Variants in QTMAN observed in about 807,000 individuals in gnomAD.
QTMAN encodes the protein queuosine-tRNA mannosyltransferase.
chr2:144,166,651 A>G, the QTMAN span, among the ~76,000 whole-genome samples: 1 of 152,354 alleles, frequency 6.6e-6, no homozygotes, highest in African/African-American at 2.4e-5. Flanking sequence ...CCAGTAAAAT[A>G]TACCCCACAT....
At chr2:144,155,794 G>A in the QTMAN span, among the ~76,000 whole-genome samples, 1 of 152,014 alleles carries the variant, frequency 6.6e-6, no homozygotes, top group African/African-American at 2.4e-5. Flanking sequence ...CTTTTGGACA[G>A]TATCATGATT....
the QTMAN span, among the ~76,000 whole-genome samples, chr2:144,040,022 A>G: frequency 6.6e-6 from 1 of 152,196 alleles, no homozygotes; most frequent in Non-Finnish European, 1.5e-5. Flanking sequence ...AACAGGGGCT[A>G]TGTATTCTCA....
the QTMAN span, among the ~76,000 whole-genome samples, chr2:144,002,214 A>G: frequency 6.6e-6 from 1 of 151,984 alleles, no homozygotes; most frequent in Non-Finnish European, 1.5e-5. Context: ...TCCCCTCGAT[A>G]GATATCTTTT....
the QTMAN span, among the ~76,000 whole-genome samples, chr2:143,983,781 A>G: frequency 6.6e-6 from 1 of 152,114 alleles, no homozygotes; most frequent in African/African-American, 2.4e-5. Flanking sequence ...CCGAGGTTTT[A>G]ATGTTTACCT....
the QTMAN span, among the ~76,000 whole-genome samples, chr2:144,043,495 G>A: frequency 6.6e-6 from 1 of 151,906 alleles, no homozygotes; most frequent in South Asian, 2.1e-4. Context: ...TTAGCCCAGC[G>A]TGGTGACGGG....
At chr2:144,132,560 C>T in the QTMAN span, among the ~76,000 whole-genome samples, 2 of 152,088 alleles carry the variant, frequency 1.3e-5, no homozygotes, top group Non-Finnish European at 2.9e-5. Flanking sequence ...AACAGCTGTA[C>T]ATGTGACCTT....
the QTMAN span, among the ~76,000 whole-genome samples, chr2:144,287,196 G>C: frequency 1.3e-5 from 2 of 152,158 alleles, no homozygotes; most frequent in South Asian, 4.1e-4. Flanking sequence ...CAGCACTTTG[G>C]GAGGCCAAAG....
the QTMAN span, among the ~76,000 whole-genome samples, chr2:144,059,268 CCATA>C: frequency 6.6e-6 from 1 of 152,206 alleles, no homozygotes; most frequent in East Asian, 1.9e-4. Flanking sequence ...GTCCCCTTCT[CCATA>C]CAGTCAACTC....
chr2:144,048,819 TACAC>T, the QTMAN span, among the ~76,000 whole-genome samples: 104 of 148,326 alleles, frequency 7.0e-4, no homozygotes, highest in East Asian at 4.5e-3. Context: ...CACACATGCA[TACAC>T]ACACACACAC....
the QTMAN span, among the ~76,000 whole-genome samples, chr2:144,149,163 A>G: frequency 3.8e-4 from 58 of 151,894 alleles, no homozygotes; most frequent in African/African-American, 1.3e-3. Flanking sequence ...ACAAATGCTC[A>G]TCCTGCCTCA....
At chr2:144,242,110 A>T in the QTMAN span, among the ~76,000 whole-genome samples, 2 of 152,216 alleles carry the variant, frequency 1.3e-5, no homozygotes, top group South Asian at 2.1e-4. Flanking sequence ...TAGAGAATAT[A>T]GCACAATAGA....
At chr2:144,092,062 G>A in the QTMAN span, among the ~76,000 whole-genome samples, 1 of 152,108 alleles carries the variant, frequency 6.6e-6, no homozygotes, top group Non-Finnish European at 1.5e-5. Flanking sequence ...GATTGATGGA[G>A]AACAATTACA....
chr2:144,053,248 A>G, the QTMAN span, among the ~76,000 whole-genome samples: 1 of 152,234 alleles, frequency 6.6e-6, no homozygotes. Flanking sequence ...TATATGTACC[A>G]GATCACAGTG....
the QTMAN span, among the ~76,000 whole-genome samples, chr2:144,103,681 C>G: frequency 2.0e-5 from 3 of 152,088 alleles, no homozygotes; most frequent in African/African-American, 7.2e-5. Flanking sequence ...CCTTGAAATG[C>G]TGATACTCAA....
chr2:144,276,868 C>T, the QTMAN span, among the ~76,000 whole-genome samples: 3 of 152,150 alleles, frequency 2.0e-5, no homozygotes, highest in African/African-American at 7.2e-5. Context: ...AGTTCATACA[C>T]TTACAGAACT....
At chr2:144,220,557 T>C in the QTMAN span, among the ~76,000 whole-genome samples, 1 of 152,210 alleles carries the variant, frequency 6.6e-6, no homozygotes, top group Admixed American at 6.5e-5. Context: ...AGAGTATTCC[T>C]TACAAACTAC....
At chr2:144,266,356 C>T in the QTMAN span, among the ~76,000 whole-genome samples, 3 of 152,116 alleles carry the variant, frequency 2.0e-5, no homozygotes, top group African/African-American at 2.4e-5. Context: ...AGCTTGGGAG[C>T]CAGGGTGGAA....
At chr2:144,317,571 G>A in the QTMAN span, 1 of 152,006 alleles carries the variant, frequency 6.6e-6, no homozygotes, top group Non-Finnish European at 1.5e-5. Context: ...CGACTAAATG[G>A]GTCCTTTGTA....
chr2:144,126,323 A>C, the QTMAN span, among the ~76,000 whole-genome samples: 11 of 151,866 alleles, frequency 7.2e-5, no homozygotes, highest in Admixed American at 1.3e-4. Context: ...CAAACAAACA[A>C]ACACCTGGTT....
Sources: allele counts gnomAD v4.1 joint callset (sites outside exome capture counted in the v4.1 genomes callset), GRCh38; gene constraint gnomAD v4.1.1; transcripts MANE v1.5; gene names NCBI Gene and HGNC (gene_info 2026-07-23, HGNC 2026-07-21).